The following SPATA31E1 variants were observed in gnomAD, a reference collection of about 807,000 sequenced individuals.
The protein encoded by SPATA31E1 is SPATA31 subfamily E member 1.
In SPATA31E1, 7 loss-of-function variants were observed where a neutral mutation model predicts 12.9. The observed-to-expected ratio is 0.54, with a 90% confidence interval of 0.31 to 1.02. The LOEUF is 1.02. Among genes scored for constraint, SPATA31E1 ranks in the 50% least tolerant of loss-of-function variants. The pLI, the probability that SPATA31E1 is intolerant of heterozygous loss-of-function variation, is 0.05. For synonymous variants in SPATA31E1, 771 were observed against 719.0 expected (o/e 1.07, Z -1.16); for missense variants, 1,961 against 1,799.8 (o/e 1.09, Z -1.62).
At position 87,886,702 on chromosome 9, in the gene SPATA31E1, G is replaced by A. The variant is rs1230458897; in HGVS notation, c.2215G>A (p.Asp739Asn). Reference sequence around the variant, plus strand: ...GGACGAAGACAAGGAGGCAGAAGGTGACTTACGGAGGTCCTGGAAGTACCA... The same window carrying A: ...GGACGAAGACAAGGAGGCAGAAGGTAACTTACGGAGGTCCTGGAAGTACCA... ...ALDEDKEAEG[D>N]LRRSWKYQSV... The change falls in exon 4 of 4, where the codon GAC becomes AAC. Residue 739 changes from aspartate to asparagine, a missense_variant. Coordinates refer to ENST00000325643, the MANE Select transcript of SPATA31E1 (RefSeq NM_178828.5). The A allele has an allele frequency of 6.2e-7, 1 of 1,613,960 alleles. No individual in the cohort carries two copies. Among genetic ancestry groups the A allele is most frequent in the Non-Finnish European group, 8.5e-7 (1 of 1,180,030 alleles).
intron 3 of SPATA31E1, 89 bp downstream of exon 3, chr9:87,884,740 A>G: frequency 6.4e-7 from 1 of 1,552,096 alleles, no homozygotes. Flanking sequence ...TGGGAGGGGG[A>G]GGTCCCGGGA....
intron 3 of SPATA31E1, 128 bp from the exon 4 acceptor site, chr9:87,884,785 C>A: frequency 1.4e-6 from 2 of 1,479,740 alleles, no homozygotes; most frequent in Non-Finnish European, 1.9e-6. Flanking sequence ...CTGGGGCAGG[C>A]TTAGGCAGAG....
intron 1 of SPATA31E1, among the ~76,000 whole-genome samples, chr9:87,883,449 G>A (rs2117867643): frequency 6.6e-6 from 1 of 152,292 alleles, no homozygotes; most frequent in South Asian, 2.1e-4. Context: ...GGTCAGGAGA[G>A]GGGTGAGGTC....
At chr9:87,884,780 G>A in intron 3 of SPATA31E1, 129 bp downstream of exon 3, 2 of 1,468,452 alleles carry the variant, frequency 1.4e-6, no homozygotes, top group Non-Finnish European at 1.9e-6. Flanking sequence ...AAGCCCTGGG[G>A]CAGGCTTAGG....
chr9:87,884,834 G>A (rs1828234762), intron 3 of SPATA31E1, 79 bp from the exon 4 acceptor site: 1 of 1,513,826 alleles, frequency 6.6e-7, no homozygotes, highest in Non-Finnish European at 8.9e-7. Flanking sequence ...GAGGAACCGG[G>A]GGCCCCAGGT....
At position 87,886,223 on chromosome 9, in the gene SPATA31E1, G is replaced by C. The variant is rs144030515; in HGVS notation, c.1736G>C (p.Arg579Thr). 1.4e-5 allele frequency: 23 copies of C among 1,613,718 alleles called. No individual in the cohort carries two copies. The highest frequency in any genetic ancestry group is 1.6e-4 in the Middle Eastern group (1 of 6,084). ...TTGAAGAAGCGACCAAAGTGGAAGA[G>C]GGTTTTGCCCTCTCTCCTCAAAAAG... ...WPLKKRPKWK[R>T]VLPSLLKKSQ... is the part of the protein sequence containing the mutation. Residue 579 changes from arginine (R) to threonine (T), a missense_variant, in exon 4 of 4, where the codon AGG (arginine) becomes ACG (threonine). Physicochemically the swap from Arg to Thr is moderately conservative, Grantham distance 71. Coordinates refer to ENST00000325643, the MANE Select transcript of SPATA31E1 (RefSeq NM_178828.5).
chr9:87,883,427 T>C (rs556401057), intron 1 of SPATA31E1, among the ~76,000 whole-genome samples: 4 of 151,984 alleles, frequency 2.6e-5, no homozygotes, highest in African/African-American at 7.2e-5. Context: ...CTGGACTCAG[T>C]GGCAAGGACC....
At chr9:87,883,344 TGA>T in intron 1 of SPATA31E1, 144 bp downstream of exon 1, 1 of 1,305,150 alleles carries the variant, frequency 7.7e-7, no homozygotes, top group Non-Finnish European at 1.1e-6. Flanking sequence ...CAGGCAGGGG[TGA>T]GAGTGGGCAG....
Position 87,886,603 on chromosome 9 carries a change from G to T in SPATA31E1, c.2116G>T (p.Gly706Trp), listed in dbSNP as rs769870805. Residue 706 changes from glycine to tryptophan, a missense_variant, in exon 4 of 4, where the codon GGG becomes TGG. Transcript: ENST00000325643. ...GAGCTCCGGAAGGTTCTCTGACAAG[G>T]GGTGCTTAGGGTCCAAACTAGGGCC... is the stretch of plus-strand genomic sequence containing the variant. ...FRSSGRFSDK[G>W]CLGSKLGPDP... 6.2e-7 allele frequency: 1 copy of T among 1,614,040 alleles called. No homozygotes were observed. The highest frequency in any genetic ancestry group is 8.5e-7 in the Non-Finnish European group (1 of 1,180,006).
Position 87,885,107 on chromosome 9 carries a change from T to A in SPATA31E1, c.620T>A (p.Met207Lys), listed in dbSNP as rs769862732. 3.1e-6 allele frequency: 5 copies of A among 1,614,042 alleles called. No homozygotes were observed. In the Admixed American group the frequency reaches 8.3e-5, roughly 27 times the overall value. ...PLASTLSPGP[M>K]TFSEPFGPHS... ...GCCTCCACCCTGTCACCAGGCCCGA[T>A]GACCTTCTCAGAGCCTTTTGGACCA... Residue 207 changes from methionine (M) to lysine (K), a missense_variant, in exon 4 of 4, where the codon ATG becomes AAG. Physicochemically the swap from Met to Lys is moderately conservative, Grantham distance 95. Transcript: ENST00000325643.
chr9:87,885,469 C>T lies in SPATA31E1; in HGVS notation c.982C>T (p.Pro328Ser). ...CACCTACTCACATGGCAAATCCCAG[C>T]CACGGCATCTTCCCGACCACACCTC... ...LSTYSHGKSQPRHLPDHTSEA... is the reference protein window; with the variant it reads ...LSTYSHGKSQSRHLPDHTSEA... Residue 328 changes from proline to serine, a missense_variant, in exon 4 of 4, where the codon CCA becomes TCA. By Grantham distance (74) the Pro-to-Ser change is moderately conservative. Transcript: ENST00000325643. The T allele has an allele frequency of 6.2e-7, 1 of 1,613,992 alleles. No homozygotes were observed. Among genetic ancestry groups the T allele is most frequent in the Non-Finnish European group, 8.5e-7 (1 of 1,179,920 alleles).
Position 87,886,137 on chromosome 9 carries a change from T to A in SPATA31E1, c.1650T>A (p.Pro550=). ...TTAGGGGCTGTGGGGCATCTTACCC[T>A]ACATCCCAGGAGAGGACACAGTCTG... ...PQIRGCGASY[P]TSQERTQSVI... is the part of the protein sequence containing the mutation. The change falls in exon 4 of 4, where the codon CCT becomes CCA. Residue 550 remains proline, a synonymous_variant. Coordinates refer to ENST00000325643, the MANE Select transcript of SPATA31E1 (RefSeq NM_178828.5). 1 of 1,602,818 alleles carries A rather than the reference T, an allele frequency of 6.2e-7. No homozygotes were observed. The highest frequency in any genetic ancestry group is 8.5e-7 in the Non-Finnish European group (1 of 1,173,304).
Position 87,888,459 on chromosome 9 carries a change from A to G in SPATA31E1, c.3972A>G (p.Gly1324=). ...CCTGGACCATCAGCAGAGTTGTGGG[A>G]CAAATCCTGGTGGACAAACTGGGGC... ...DKAWTISRVV[G]QILVDKLGLQ... is the part of the protein sequence containing the mutation. The change falls in exon 4 of 4, where the codon GGA becomes GGG. Residue 1324 remains glycine (G), a synonymous_variant. Coordinates refer to ENST00000325643, the MANE Select transcript of SPATA31E1 (RefSeq NM_178828.5). 1 of 1,614,180 alleles carries G rather than the reference A, an allele frequency of 6.2e-7. No homozygotes were observed. Among genetic ancestry groups the G allele is most frequent in the Non-Finnish European group, 8.5e-7 (1 of 1,180,016 alleles).
In SPATA31E1 at chr9:87,887,031, G is replaced by C. The variant is rs202071411; in HGVS notation, c.2544G>C (p.Trp848Cys). The C allele has an allele frequency of 1.2e-6, 2 of 1,614,092 alleles. No homozygotes were observed. The highest frequency in any genetic ancestry group is 2.7e-5 in the African/African-American group (2 of 75,046). Residue 848 changes from tryptophan (W) to cysteine (C), a missense_variant, in exon 4 of 4, where the codon TGG becomes TGC. Trp to Cys is a radical substitution (Grantham distance 215, BLOSUM62 -2). Transcript: ENST00000325643. ...HLVRFCVRHS[W>C]GTDLQSLEPI... ...TAAGGTTCTGTGTGAGGCACAGCTG[G>C]GGTACAGACCTCCAGTCCCTGGAGC...
At position 87,884,929 on chromosome 9, in the gene SPATA31E1, G is replaced by C. The variant is rs115964119; in HGVS notation, c.442G>C (p.Ala148Pro). Residue 148 changes from alanine (A) to proline (P), a missense_variant, in exon 4 of 4, where the codon GCT becomes CCT. Physicochemically the swap from Ala to Pro is conservative, Grantham distance 27 (BLOSUM62 -1). Transcript: ENST00000325643. The part of the protein sequence containing the change: ...YLLESHLRKL[A>P]GEGSSHLPLG... Reference sequence around the variant, plus strand: ...CTCCTGCAGCCACCTGAGGAAGCTCGCTGGCGAAGGCAGCTCCCACCTGCC... The same window carrying C: ...CTCCTGCAGCCACCTGAGGAAGCTCCCTGGCGAAGGCAGCTCCCACCTGCC... 5 of 1,607,292 alleles carry C rather than the reference G, an allele frequency of 3.1e-6. No individual in the cohort carries two copies. Among genetic ancestry groups the C allele is most frequent in the Non-Finnish European group, 4.3e-6 (5 of 1,175,280 alleles).
At chr9:87,883,912 G>A (rs1587566733) in intron 1 of SPATA31E1, 80 bp from the exon 2 acceptor site, 2 of 1,500,700 alleles carry the variant, frequency 1.3e-6, no homozygotes, top group Non-Finnish European at 9.1e-7. Flanking sequence ...TGTCCCTCAT[G>A]AGCACTGCGT....
At position 87,887,618 on chromosome 9, in the gene SPATA31E1, C is replaced by A; in HGVS notation, c.3131C>A (p.Thr1044Asn). Reference sequence around the variant, plus strand: ...CTGAAAGTGGGGGAGAAGCCCCCAACTTGGGAAGTCACCTTGGGAGCCAGT... The same window carrying A: ...CTGAAAGTGGGGGAGAAGCCCCCAAATTGGGAAGTCACCTTGGGAGCCAGT... ...QALKVGEKPP[T>N]WEVTLGASVR... The change falls in exon 4 of 4, where the codon ACT becomes AAT. Residue 1044 changes from threonine (T) to asparagine (N), a missense_variant. Physicochemically the swap from Thr to Asn is moderately conservative, Grantham distance 65. Coordinates refer to ENST00000325643, the MANE Select transcript of SPATA31E1 (RefSeq NM_178828.5). The A allele has an allele frequency of 6.2e-7, 1 of 1,614,132 alleles. No individual in the cohort carries two copies. Among genetic ancestry groups the A allele is most frequent in the Non-Finnish European group, 8.5e-7 (1 of 1,179,998 alleles).
At position 87,884,006 on chromosome 9, in the gene SPATA31E1, A is replaced by T; in HGVS notation, c.324A>T (p.Arg108Ser). 1 of 1,607,462 alleles carries T rather than the reference A, an allele frequency of 6.2e-7. No individual in the cohort carries two copies. The highest frequency in any genetic ancestry group is 8.5e-7 in the Non-Finnish European group (1 of 1,176,590). ...TTGCCTCTCAGCCTCAAAGGGAGAG[A>T]AGCGGGAGGTCCAGGAGCAGGAAGA... ...KRSSREPQRE[R>S]SGRSRSRKIS... The change falls in exon 2 of 4, where the codon AGA (arginine) becomes AGT (serine). Residue 108 changes from arginine (R) to serine (S), a missense_variant. By Grantham distance (110) the Arg-to-Ser change is moderately radical. Coordinates refer to ENST00000325643, the MANE Select transcript of SPATA31E1 (RefSeq NM_178828.5).
rs770318836 is a variant in SPATA31E1, at chr9:87,884,598, A to T, written c.372A>T (p.Arg124Ser). The change falls in exon 3 of 4, where the codon AGA (arginine) becomes AGT (serine). Residue 124 changes from arginine to serine, a missense_variant. Arg to Ser is a moderately radical substitution (Grantham distance 110). Coordinates refer to ENST00000325643, the MANE Select transcript of SPATA31E1 (RefSeq NM_178828.5). ...SRKISALKAC[R>S]ILLRELEETR... ...CTGTCTCCTGATTTCCAGCTTGCAGAATCCTCCTGAGGGAGCTGGAGGAGA... is the reference window on the plus strand; with the variant it reads ...CTGTCTCCTGATTTCCAGCTTGCAGTATCCTCCTGAGGGAGCTGGAGGAGA... 6.2e-7 allele frequency: 1 copy of T among 1,614,072 alleles called. No individual in the cohort carries two copies. Among genetic ancestry groups the T allele is most frequent in the Admixed American group, 1.7e-5 (1 of 60,020 alleles).
Sources: gnomAD v4.1 joint callset for allele counts (sites outside exome capture counted in the v4.1 genomes callset) on GRCh38, gnomAD v4.1.1 for gene constraint, MANE v1.5 for transcripts, NCBI Gene and HGNC (gene_info 2026-07-23, HGNC 2026-07-21) for gene names.